ERC2: variants seen among roughly 807,000 people sequenced by gnomAD.
The protein encoded by ERC2 is ELKS/RAB6-interacting/CAST family member 2.
In ERC2, 42 loss-of-function variants were observed where a neutral mutation model predicts 114.8. That is an observed-to-expected ratio of 0.37 (90% CI 0.29 to 0.47). The LOEUF (loss-of-function observed/expected upper bound fraction) is 0.47. ERC2 is among the 20% of genes least tolerant of loss of function. ERC2 has a pLI of 0.99. For synonymous variants in ERC2, 454 were observed against 425.5 expected (o/e 1.07, Z -0.82); for missense variants, 939 against 1,150.7 (o/e 0.82, Z 2.66).
At chr3:56,224,877 C>T (rs188548223) in intron 3 of ERC2, among the ~76,000 whole-genome samples, 7 of 152,274 alleles carry the variant, frequency 4.6e-5, no homozygotes, top group African/African-American at 1.2e-4. Flanking sequence ...AAGGGATTTA[C>T]ATGACCACCA....
chr3:55,648,510 G>C lies in ERC2; in HGVS notation c.*39+35284C>G, dbSNP rs573463102. ...TTAGGATGAGGATGACAGTTCTGTG[G>C]GAGCCACAGAGATGTGTCTCGCAGG... On this transcript the variant is annotated intron_variant, in intron 17 of 17. Coordinates refer to ENST00000288221, the MANE Select transcript of ERC2 (RefSeq NM_015576.3). Among the ~76,000 whole-genome samples the C allele has an allele frequency of 1.2e-4, 19 of 152,274 alleles. 1 individual carries two copies. In the South Asian group the frequency reaches 3.9e-3, roughly 32 times the overall value.
intron 1 of ERC2, among the ~76,000 whole-genome samples, chr3:56,439,274 G>T (rs949989171): frequency 6.6e-6 from 1 of 152,126 alleles, no homozygotes; most frequent in African/African-American, 2.4e-5. Flanking sequence ...GCAAGACTCT[G>T]TCTCTAAAAA....
At chr3:56,202,575 T>C (rs1025590460) in intron 3 of ERC2, among the ~76,000 whole-genome samples, 1 of 151,544 alleles carries the variant, frequency 6.6e-6, no homozygotes, top group East Asian at 1.9e-4. Flanking sequence ...AAAAATTATA[T>C]ATATTTAAGG....
At chr3:55,606,335 T>G (rs1269052836) in intron 17 of ERC2, among the ~76,000 whole-genome samples, 2 of 152,162 alleles carry the variant, frequency 1.3e-5, no homozygotes, top group African/African-American at 4.8e-5. Context: ...GATCTCATGG[T>G]CTAAGAAGTC....
intron 17 of ERC2, among the ~76,000 whole-genome samples, chr3:55,647,777 T>C (rs1451078240): frequency 6.6e-6 from 1 of 152,216 alleles, no homozygotes; most frequent in Non-Finnish European, 1.5e-5. Context: ...GGCCCATCTT[T>C]CTTCATGTTT....
At chr3:55,698,991 T>C (rs2063083376) in intron 16 of ERC2, among the ~76,000 whole-genome samples, 1 of 152,160 alleles carries the variant, frequency 6.6e-6, no homozygotes, top group Non-Finnish European at 1.5e-5. Context: ...AAGAATTTTC[T>C]AGGAAAGTGC....
intron 14 of ERC2, among the ~76,000 whole-genome samples, chr3:55,843,744 T>A: frequency 6.6e-6 from 1 of 152,204 alleles, no homozygotes. Flanking sequence ...GGCCCCAATG[T>A]TTCATGTCAG....
chr3:55,696,489 A>G (rs2062936353), intron 16 of ERC2, among the ~76,000 whole-genome samples: 1 of 152,148 alleles, frequency 6.6e-6, no homozygotes, highest in African/African-American at 2.4e-5. Flanking sequence ...TCTCATCCAC[A>G]TCACCCCATT....
chr3:56,451,372 T>G (rs2062822069), intron 1 of ERC2, among the ~76,000 whole-genome samples: 1 of 148,270 alleles, frequency 6.7e-6, no homozygotes, highest in South Asian at 2.1e-4. Context: ...TGTAAGCTAT[T>G]AAAAAAAAAA....
intron 14 of ERC2, among the ~76,000 whole-genome samples, chr3:55,760,584 G>A (rs771807609): frequency 5.3e-5 from 8 of 152,128 alleles, no homozygotes; most frequent in Non-Finnish European, 1.2e-4. Flanking sequence ...CAATTAATAT[G>A]TTGCTTTGCC....
chr3:55,691,408 C>G (rs536430035), intron 16 of ERC2, among the ~76,000 whole-genome samples: 1 of 151,538 alleles, frequency 6.6e-6, no homozygotes, highest in Non-Finnish European at 1.5e-5. Flanking sequence ...ACTTCTGAAC[C>G]CTTCTCCCAT....
chr3:55,522,512 A>G (rs1160914056), intron 17 of ERC2, among the ~76,000 whole-genome samples: 1 of 145,258 alleles, frequency 6.9e-6, no homozygotes, highest in Non-Finnish European at 1.5e-5. Context: ...CCAACAGACC[A>G]CCTTAAAGGG....
chr3:56,030,469 T>C (rs1253658081), intron 7 of ERC2, among the ~76,000 whole-genome samples: 1 of 152,196 alleles, frequency 6.6e-6, no homozygotes, highest in Non-Finnish European at 1.5e-5. Flanking sequence ...TCAACTCTAA[T>C]AGTTTTTCTT....
chr3:56,010,689 C>A, intron 8 of ERC2, 100 bp from the exon 9 acceptor site: 1 of 1,342,568 alleles, frequency 7.4e-7, no homozygotes, highest in Non-Finnish European at 1.0e-6. Context: ...CTAAGAAATG[C>A]TGTACAGGAA....
At chr3:56,384,652 G>C (rs557464193) in intron 2 of ERC2, among the ~76,000 whole-genome samples, 2 of 152,092 alleles carry the variant, frequency 1.3e-5, no homozygotes, top group African/African-American at 4.8e-5. Flanking sequence ...CCATTCTGTG[G>C]ACTGCTTTTT....
intron 9 of ERC2, among the ~76,000 whole-genome samples, chr3:56,008,972 C>T (rs776868640): frequency 1.3e-5 from 2 of 152,116 alleles, no homozygotes; most frequent in African/African-American, 4.8e-5. Context: ...AAATGTTTAA[C>T]GTGGTTCTGT....
intron 3 of ERC2, among the ~76,000 whole-genome samples, chr3:56,186,016 G>A (rs1338389523): frequency 6.7e-6 from 1 of 148,732 alleles, no homozygotes; most frequent in African/African-American, 2.5e-5. Context: ...CCCAGCTGAT[G>A]ACCAACAAGG....
At chr3:55,889,245 C>T (rs948361551) in intron 13 of ERC2, among the ~76,000 whole-genome samples, 2 of 152,106 alleles carry the variant, frequency 1.3e-5, no homozygotes, top group African/African-American at 4.8e-5. Flanking sequence ...CTATCAAAGC[C>T]GTGTTTGGTA....
At position 55,581,218 on chromosome 3, in the gene ERC2, A is replaced by G. The variant is rs181427799; in HGVS notation, c.*40-69942T>C. ...GTATTATCAATCTTTCTCTTTTCAAATGCTTAAGTCCTAAGTCTCCCATCG... is the reference window on the plus strand; with the variant it reads ...GTATTATCAATCTTTCTCTTTTCAAGTGCTTAAGTCCTAAGTCTCCCATCG... On this transcript the variant is annotated intron_variant, in intron 17 of 17. Coordinates refer to ENST00000288221, the MANE Select transcript of ERC2 (RefSeq NM_015576.3). 1.1e-3 allele frequency among the ~76,000 whole-genome samples: 165 copies of G among 152,290 alleles called. 2 individuals carry two copies. The South Asian group carries it at 0.033, about 30-fold the overall frequency.
Sources: allele counts gnomAD v4.1 joint callset (sites outside exome capture counted in the v4.1 genomes callset), GRCh38; gene constraint gnomAD v4.1.1; transcripts MANE v1.5; gene names NCBI Gene and HGNC (gene_info 2026-07-23, HGNC 2026-07-21).